METTL25: variants seen among roughly 807,000 people sequenced by gnomAD.
The protein encoded by METTL25 is methyltransferase like 25.
In METTL25, 64 loss-of-function variants were observed where a neutral mutation model predicts 71.6. That is an observed-to-expected ratio of 0.89 (90% CI 0.73 to 1.10). The LOEUF is 1.10. Among genes scored for constraint, METTL25 ranks in the 50% least tolerant of loss-of-function variants. The probability of loss-of-function intolerance (pLI) is 0.00; values close to 1 mark genes in which losing one functional copy is unlikely to be tolerated. For synonymous variants in METTL25, 287 were observed against 250.3 expected (o/e 1.15, Z -1.38); for missense variants, 807 against 707.0 (o/e 1.14, Z -1.60).
chr12:82,403,311 C>T (rs1886808282), intron 5 of METTL25, among the ~76,000 whole-genome samples, 181 bp downstream of exon 5: 1 of 152,130 alleles, frequency 6.6e-6, no homozygotes, highest in Non-Finnish European at 1.5e-5. Flanking sequence ...TGCATCACCA[C>T]CTGTATATTT....
intron 1 of METTL25, among the ~76,000 whole-genome samples, chr12:82,371,162 A>G (rs1883191716): frequency 6.6e-6 from 1 of 152,242 alleles, no homozygotes; most frequent in Non-Finnish European, 1.5e-5. Flanking sequence ...ACAGTCATCC[A>G]GGACAGGAGA....
At chr12:82,363,348 A>G (rs1003756667) in intron 1 of METTL25, among the ~76,000 whole-genome samples, 6 of 152,186 alleles carry the variant, frequency 3.9e-5, no homozygotes, top group Admixed American at 3.3e-4. Context: ...AGCCTTATTG[A>G]ATTCTTGTAT....
At chr12:82,416,507 G>C (rs1241066511) in intron 5 of METTL25, among the ~76,000 whole-genome samples, 1 of 142,312 alleles carries the variant, frequency 7.0e-6, no homozygotes, top group Non-Finnish European at 1.5e-5. Context: ...GCAGTATCAT[G>C]ATCATGGTTC....
At chr12:82,415,820 G>A (rs1036841126) in intron 5 of METTL25, among the ~76,000 whole-genome samples, 28 of 152,092 alleles carry the variant, frequency 1.8e-4, no homozygotes, top group African/African-American at 4.1e-4. Context: ...ACTCCTTCAC[G>A]GGCCATCCAG....
At chr12:82,471,381 T>G (rs767055829) in intron 9 of METTL25, among the ~76,000 whole-genome samples, 1 of 152,234 alleles carries the variant, frequency 6.6e-6, no homozygotes, top group Non-Finnish European at 1.5e-5. Flanking sequence ...GCACCTGCCC[T>G]ATTCTCTATA....
At chr12:82,434,580 A>G in intron 6 of METTL25, 115 bp from the exon 7 acceptor site, 4 of 810,786 alleles carry the variant, frequency 4.9e-6, no homozygotes, top group Non-Finnish European at 8.4e-6. Context: ...AAACTTACAT[A>G]TTATCACATA....
intron 8 of METTL25, among the ~76,000 whole-genome samples, chr12:82,455,175 T>C (rs1425269334): frequency 6.6e-6 from 1 of 150,916 alleles, no homozygotes; most frequent in African/African-American, 2.4e-5. Flanking sequence ...AAAAAAAAAA[T>C]CAAAGCTTAA....
intron 4 of METTL25, among the ~76,000 whole-genome samples, chr12:82,401,559 G>T (rs376838333): frequency 6.6e-6 from 1 of 151,904 alleles, no homozygotes; most frequent in African/African-American, 2.4e-5. Context: ...ATTTAGACAG[G>T]CTTTTTCCCG....
At chr12:82,440,056 G>A (rs1011934438) in intron 8 of METTL25, among the ~76,000 whole-genome samples, 3 of 151,826 alleles carry the variant, frequency 2.0e-5, no homozygotes, top group African/African-American at 7.3e-5. Flanking sequence ...GACCATGTCG[G>A]TAATTGTTTT....
At chr12:82,454,051 C>T (rs867139528) in intron 8 of METTL25, among the ~76,000 whole-genome samples, 2 of 152,014 alleles carry the variant, frequency 1.3e-5, no homozygotes, top group African/African-American at 4.8e-5. Context: ...ATAGATTTTA[C>T]AGTAAACTCA....
intron 1 of METTL25, among the ~76,000 whole-genome samples, chr12:82,375,521 G>T (rs1351109637): frequency 1.3e-5 from 2 of 152,188 alleles, no homozygotes; most frequent in Non-Finnish European, 2.9e-5. Flanking sequence ...GATTGAAACA[G>T]TTGTGTTTGA....
rs544311797 is a variant in METTL25 at position 82,397,974 on chromosome 12, T to A, written c.532-821T>A. On this transcript the variant is annotated intron_variant, in intron 3 of 11. Coordinates refer to ENST00000248306, the MANE Select transcript of METTL25 (RefSeq NM_032230.3). Reference sequence around the variant, plus strand: ...TTTTAGGCATTTTTGCCTTATTTTTTAAATCATAATATCTACTTATCAATT... The same window carrying A: ...TTTTAGGCATTTTTGCCTTATTTTTAAAATCATAATATCTACTTATCAATT... Among the ~76,000 whole-genome samples the A allele has an allele frequency of 2.0e-4, 30 of 152,146 alleles. No individual in the cohort carries two copies. The South Asian group carries it at 6.0e-3, about 30-fold the overall frequency.
chr12:82,427,340 A>T (rs922592707), intron 5 of METTL25, among the ~76,000 whole-genome samples: 4 of 151,972 alleles, frequency 2.6e-5, no homozygotes, highest in African/African-American at 9.7e-5. Context: ...ACAATTATTT[A>T]GTATCTCTCA....
chr12:82,415,071 A>G (rs1887863414), intron 5 of METTL25, among the ~76,000 whole-genome samples: 1 of 152,148 alleles, frequency 6.6e-6, no homozygotes, highest in African/African-American at 2.4e-5. Context: ...TCCACTGGGA[A>G]GCTCCTATCA....
intron 1 of METTL25, chr12:82,374,075 C>T (rs1295494763): frequency 5.1e-5 from 8 of 156,766 alleles, no homozygotes; most frequent in Non-Finnish European, 9.7e-5. Flanking sequence ...CAGACCTTTG[C>T]GGTGAGTATT....
chr12:82,397,801 T>G (rs1886214084), intron 3 of METTL25, among the ~76,000 whole-genome samples: 1 of 152,142 alleles, frequency 6.6e-6, no homozygotes, highest in Non-Finnish European at 1.5e-5. Flanking sequence ...ATATGTTTAT[T>G]TTTATATCAG....
At chr12:82,390,922 C>T (rs1885517496) in intron 3 of METTL25, among the ~76,000 whole-genome samples, 1 of 152,004 alleles carries the variant, frequency 6.6e-6, no homozygotes, top group South Asian at 2.1e-4. Flanking sequence ...CAGCCAACCT[C>T]TATTAAGAGC....
At position 82,399,352 on chromosome 12, in the gene METTL25, C is replaced by T. The variant is rs760014184; in HGVS notation, c.1089C>T (p.Ile363=). 1 of 1,601,938 alleles carries T rather than the reference C, an allele frequency of 6.2e-7. No individual in the cohort carries two copies. The highest frequency in any genetic ancestry group is 2.2e-5 in the East Asian group (1 of 44,722). The change falls in exon 4 of 12, where the codon ATC becomes ATT. Residue 363 remains isoleucine (I), a synonymous_variant. Transcript: ENST00000248306. ...TATATTCACCTTTAACCTCTTTTAT[C>T]ACTGCTGATTCAGAACTCCATGACA... ...SNIYSPLTSF[I]TADSELHDII... is the part of the protein sequence containing the mutation.
rs115328800 is a variant in METTL25 at position 82,368,813 on chromosome 12, A to G, written c.259+9989A>G. Among the ~76,000 whole-genome samples the G allele has an allele frequency of 2.9e-3, 449 of 152,326 alleles. 3 individuals carry two copies. The highest frequency in any genetic ancestry group is 0.01 in the African/African-American group (423 of 41,558). On this transcript the variant is annotated intron_variant, in intron 1 of 11. Coordinates refer to ENST00000248306, the MANE Select transcript of METTL25 (RefSeq NM_032230.3). ...TCTGGATCTTGAAATGAAAAAGTCT[A>G]TATAACCAGTCAGTGGGTCACCTAG...
Sources: allele counts gnomAD v4.1 joint callset (sites outside exome capture counted in the v4.1 genomes callset), GRCh38; gene constraint gnomAD v4.1.1; transcripts MANE v1.5; gene names NCBI Gene and HGNC (gene_info 2026-07-23, HGNC 2026-07-21).